PLLP: variants seen among roughly 807,000 people sequenced by gnomAD.
PLLP encodes the protein plasma membrane proteolipid (plasmolipin).
In PLLP, 15 loss-of-function variants were observed where a neutral mutation model predicts 19.7. The observed-to-expected ratio is 0.76, with a 90% CI of 0.51 to 1.17. The LOEUF (loss-of-function observed/expected upper bound fraction) is 1.17. PLLP is among the 50% of genes most tolerant of loss of function. The probability of loss-of-function intolerance (pLI) is 0.00; values close to 1 mark genes in which losing one functional copy is unlikely to be tolerated. For missense variants in PLLP, 255 were observed against 258.3 expected, an observed-to-expected ratio of 0.99 and a Z score of 0.09; for synonymous variants, 111 against 116.3, an observed-to-expected ratio of 0.95 and a Z score of 0.29.
chr16:57,283,177 T>C (rs1433303935), intron 1 of PLLP, among the ~76,000 whole-genome samples: 1 of 152,178 alleles, frequency 6.6e-6, no homozygotes, highest in Non-Finnish European at 1.5e-5. Context: ...CTTCCTGAGA[T>C]TCAAATTCCG....
At chr16:57,278,475 T>C (rs1901180245) in intron 1 of PLLP, among the ~76,000 whole-genome samples, 1 of 152,198 alleles carries the variant, frequency 6.6e-6, no homozygotes, top group Non-Finnish European at 1.5e-5. Context: ...CAGAGGTGGG[T>C]AATCCAACTA....
chr16:57,264,378 C>T (rs553488802), intron 1 of PLLP, among the ~76,000 whole-genome samples: 12 of 152,352 alleles, frequency 7.9e-5, no homozygotes, highest in Non-Finnish European at 1.8e-4. Flanking sequence ...AGTACCTTCC[C>T]TGCTCTCCGA....
intron 1 of PLLP, among the ~76,000 whole-genome samples, chr16:57,274,149 A>G (rs1350385797): frequency 2.6e-5 from 4 of 151,770 alleles, no homozygotes; most frequent in African/African-American, 7.3e-5. Flanking sequence ...ATACCTGGCT[A>G]ATTTTTAAAT....
At chr16:57,272,266 C>A (rs2146446345) in intron 1 of PLLP, among the ~76,000 whole-genome samples, 1 of 152,318 alleles carries the variant, frequency 6.6e-6, no homozygotes, top group East Asian at 1.9e-4. Context: ...GGCCCAGGCT[C>A]CCCTTCCCCT....
chr16:57,274,547 G>T (rs1213807583), intron 1 of PLLP, among the ~76,000 whole-genome samples: 1 of 151,798 alleles, frequency 6.6e-6, no homozygotes. Flanking sequence ...CTGCCTCCGG[G>T]GTTCAAGCGA....
chr16:57,280,565 A>T (rs1901207614), intron 1 of PLLP, among the ~76,000 whole-genome samples: 1 of 151,058 alleles, frequency 6.6e-6, no homozygotes, highest in South Asian at 2.1e-4. Context: ...TTGGCAAGAG[A>T]AAACAAAACA....
rs757998512 is a variant in PLLP, at chr16:57,256,939, T to C, written c.523A>G (p.Ser175Gly). Residue 175 changes from serine to glycine, a missense_variant, in exon 4 of 4, where the codon AGT becomes GGT. By Grantham distance (56) the Ser-to-Gly change is moderately conservative. Transcript: ENST00000219207. ...WRGVGSNAAT[S>G]QMAGGYA ...TAGGCATAGCCGCCAGCCATCTGAC[T>C]GGTGGCCGCATTGCTGCCTACTCCT... The C allele has an allele frequency of 2.5e-6, 4 of 1,612,986 alleles. No homozygotes were observed. The South Asian group carries it at 3.3e-5, about 13-fold the overall frequency.
intron 1 of PLLP, among the ~76,000 whole-genome samples, chr16:57,278,091 G>A (rs1326747552): frequency 6.6e-6 from 1 of 152,104 alleles, no homozygotes. Flanking sequence ...TGTAATCCCA[G>A]CACTTTGGGA....
intron 1 of PLLP, among the ~76,000 whole-genome samples, chr16:57,267,485 T>A (rs576417906): frequency 6.6e-6 from 1 of 151,994 alleles, no homozygotes; most frequent in African/African-American, 2.4e-5. Flanking sequence ...AAGAATCACT[T>A]TGAACTCAGG....
intron 1 of PLLP, among the ~76,000 whole-genome samples, chr16:57,262,601 G>A (rs185280578): frequency 2.6e-5 from 4 of 152,134 alleles, no homozygotes; most frequent in Non-Finnish European, 1.5e-5. Flanking sequence ...CAGGTATGGT[G>A]GTGCGCACCT....
intron 1 of PLLP, among the ~76,000 whole-genome samples, chr16:57,278,857 C>T (rs1254974547): frequency 5.9e-5 from 9 of 152,154 alleles, no homozygotes; most frequent in Non-Finnish European, 1.3e-4. Flanking sequence ...CCAGAGTTGG[C>T]TTTCAGTCCC....
chr16:57,264,953 G>A (rs996120906), intron 1 of PLLP, among the ~76,000 whole-genome samples: 24 of 152,342 alleles, frequency 1.6e-4, no homozygotes, highest in African/African-American at 5.5e-4. Context: ...CCCTGGCCTT[G>A]CCTCCCCCCA....
chr16:57,265,171 G>A (rs1330774053), intron 1 of PLLP, among the ~76,000 whole-genome samples: 3 of 152,254 alleles, frequency 2.0e-5, no homozygotes, highest in Admixed American at 1.3e-4. Flanking sequence ...AAGCCAGGGC[G>A]GAGCCACAGG....
Position 57,261,989 on chromosome 16 carries a change from C to T in PLLP, c.217G>A (p.Ala73Thr), listed in dbSNP as rs142797341. 2.2e-4 allele frequency: 351 copies of T among 1,613,980 alleles called. No homozygotes were observed. The highest frequency in any genetic ancestry group is 2.9e-4 in the Non-Finnish European group (339 of 1,179,978). ...YPAYGWVMFV[A>T]VFLWLVTIVL... The stretch of plus-strand genomic sequence containing the variant: ...ATTGTCACCAGCCAGAGGAAGACAG[C>T]GACGAACATCACCCAGCCATAGGCC... Residue 73 changes from alanine to threonine, a missense_variant, in exon 2 of 4, where the codon GCT (alanine) becomes ACT (threonine). By Grantham distance (58) the Ala-to-Thr change is moderately conservative (BLOSUM62 0). Transcript: ENST00000219207.
At position 57,274,922 on chromosome 16, in the gene PLLP, C is replaced by T. The variant is rs556288672; in HGVS notation, c.135+9484G>A. Among the ~76,000 whole-genome samples the T allele has an allele frequency of 8.6e-5, 13 of 152,012 alleles. No homozygotes were observed. The South Asian group carries it at 1.0e-3, about 12-fold the overall frequency. On this transcript the variant is annotated intron_variant, in intron 1 of 3. Coordinates refer to ENST00000219207, the MANE Select transcript of PLLP (RefSeq NM_015993.3). ...GACTACAGGCGCCCGCCACCATGCC[C>T]GGCTAATTTTTTGTATTTTTAGTAG...
chr16:57,272,953 T>A (rs1217741891), intron 1 of PLLP, among the ~76,000 whole-genome samples: 5 of 150,070 alleles, frequency 3.3e-5, no homozygotes, highest in Non-Finnish European at 5.9e-5. Flanking sequence ...TGAGACCCTG[T>A]CTCAAAAAAA....
Position 57,262,034 on chromosome 16 carries a change from T to C in PLLP, c.172A>G (p.Thr58Ala). ...GLLVWALIADTPYHLYPAYGW... is the reference protein window; with the variant it reads ...GLLVWALIADAPYHLYPAYGW... ...TAGGCCGGATACAGGTGGTACGGGG[T>C]GTCCGCAATCAGCGCCCACACCAGC... is the stretch of plus-strand genomic sequence containing the variant. The change falls in exon 2 of 4, where the codon ACC (threonine) becomes GCC (alanine). Residue 58 changes from threonine to alanine, a missense_variant. By Grantham distance (58) the Thr-to-Ala change is moderately conservative. Coordinates refer to ENST00000219207, the MANE Select transcript of PLLP (RefSeq NM_015993.3). 6.2e-7 allele frequency: 1 copy of C among 1,613,872 alleles called. No individual in the cohort carries two copies. Among genetic ancestry groups the C allele is most frequent in the Non-Finnish European group, 8.5e-7 (1 of 1,179,950 alleles).
intron 1 of PLLP, among the ~76,000 whole-genome samples, chr16:57,275,361 T>C (rs1370818950): frequency 1.3e-5 from 2 of 152,094 alleles, no homozygotes; most frequent in African/African-American, 4.8e-5. Context: ...TAGTCCCCAT[T>C]GATGAACTTG....
At chr16:57,264,324 C>T (rs2075450578) in intron 1 of PLLP, among the ~76,000 whole-genome samples, 1 of 152,160 alleles carries the variant, frequency 6.6e-6, no homozygotes, top group Admixed American at 6.5e-5. Context: ...GGTGGGGCCT[C>T]GAGCTTGGAA....
Sources: allele counts gnomAD v4.1 joint callset (sites outside exome capture counted in the v4.1 genomes callset), GRCh38; gene constraint gnomAD v4.1.1; transcripts MANE v1.5; gene names NCBI Gene and HGNC (gene_info 2026-07-23, HGNC 2026-07-21).